OTUD7A: variants seen among roughly 807,000 people sequenced by gnomAD.
The protein encoded by OTUD7A is OTU domain-containing protein 7A.
OTUD7A carries 12 observed loss-of-function variants against 65.7 expected under a neutral mutation model. The ratio of observed to expected loss-of-function variants is 0.18; its 90% confidence interval spans 0.12 to 0.30. OTUD7A has a LOEUF of 0.30. Ranked by LOEUF, OTUD7A falls within the 10% of genes least tolerant of loss-of-function variation. The pLI is 1.00. For missense variants in OTUD7A, 1,148 were observed against 1,304.8 expected (o/e 0.88, Z 1.85); for synonymous variants, 641 against 586.3 (o/e 1.09, Z -1.35).
chr15:31,569,344 A>C (rs1341806440), intron 4 of OTUD7A, among the ~76,000 whole-genome samples: 1 of 152,256 alleles, frequency 6.6e-6, no homozygotes, highest in East Asian at 1.9e-4. Context: ...TCTAAAAATT[A>C]ACACATTATA....
chr15:31,802,139 G>A (rs56207686), intron 1 of OTUD7A, among the ~76,000 whole-genome samples: 73,805 of 134,734 alleles, frequency 0.55, 18,937 homozygotes, highest in East Asian at 0.72. Flanking sequence ...GTGTGTGTGT[G>A]TGTATATATA....
Position 31,790,985 on chromosome 15 carries a change from GT to G in OTUD7A, c.-100+79521del, listed in dbSNP as rs375233618. The stretch of plus-strand genomic sequence containing the variant: ...GTGGACTGGGAGGTGCAAGTCTTGA[GT>G]TTTAGTCCTGACCTACAACTAATGG... On this transcript the variant is annotated intron_variant, in intron 1 of 12. Transcript: ENST00000307050. Among the ~76,000 whole-genome samples the G allele has an allele frequency of 3.3e-4, 51 of 152,240 alleles. 1 individual carries two copies. The highest frequency in any genetic ancestry group is 1.2e-3 in the African/African-American group (49 of 41,544).
At chr15:31,659,778 G>C (rs920116391) in intron 1 of OTUD7A, among the ~76,000 whole-genome samples, 1 of 152,240 alleles carries the variant, frequency 6.6e-6, no homozygotes, top group East Asian at 1.9e-4. Flanking sequence ...AAGTGAGTGG[G>C]GAGTGGGAGC....
At chr15:31,808,136 C>CACACACACACACAAAAAAAAA (rs772574742) in intron 1 of OTUD7A, among the ~76,000 whole-genome samples, 1 of 119,418 alleles carries the variant, frequency 8.4e-6, no homozygotes, top group Non-Finnish European at 1.9e-5. Context: ...CACACACACA[C>CACACACACACACAAAAAAAAA]AAACAAATCC....
Position 31,680,709 on chromosome 15 carries a change from C to T in OTUD7A, c.-99-23632G>A, listed in dbSNP as rs373722750. Among the ~76,000 whole-genome samples the T allele has an allele frequency of 1.7e-3, 256 of 152,288 alleles. 2 individuals carry two copies. The highest frequency in any genetic ancestry group is 5.9e-3 in the African/African-American group (243 of 41,538). ...CCTACTGAAACTATTAAATAAGATACAAGAAATGACAGGGGACTGGGCTCC... is the reference window on the plus strand; with the variant it reads ...CCTACTGAAACTATTAAATAAGATATAAGAAATGACAGGGGACTGGGCTCC... On this transcript the variant is annotated intron_variant, in intron 1 of 12. Transcript: ENST00000307050.
At chr15:31,846,323 T>C (rs1361089218) in intron 1 of OTUD7A, among the ~76,000 whole-genome samples, 1 of 152,182 alleles carries the variant, frequency 6.6e-6, no homozygotes, top group Non-Finnish European at 1.5e-5. Flanking sequence ...TTTTTCTTTT[T>C]TGGGTAGAGG....
At chr15:31,585,503 G>A (rs758640194) in intron 3 of OTUD7A, among the ~76,000 whole-genome samples, 1 of 152,208 alleles carries the variant, frequency 6.6e-6, no homozygotes, top group African/African-American at 2.4e-5. Context: ...GAGCTGCTTC[G>A]GTGCTCTGGG....
intron 3 of OTUD7A, among the ~76,000 whole-genome samples, chr15:31,632,952 C>T (rs1228417252): frequency 6.6e-6 from 1 of 152,148 alleles, no homozygotes; most frequent in Non-Finnish European, 1.5e-5. Context: ...CCTGGTGTGC[C>T]GTTTTTTAAG....
At chr15:31,501,588 G>T (rs1025334315) in intron 10 of OTUD7A, 102 bp downstream of exon 10, 3 of 1,472,692 alleles carry the variant, frequency 2.0e-6, no homozygotes, top group South Asian at 1.2e-5. Context: ...TGCTTCTAAG[G>T]GGGGGTCTCC....
At chr15:31,604,674 T>C (rs1890186484) in intron 3 of OTUD7A, among the ~76,000 whole-genome samples, 1 of 152,224 alleles carries the variant, frequency 6.6e-6, no homozygotes, top group Admixed American at 6.5e-5. Flanking sequence ...GCAGTGCCTT[T>C]ACATAAAGTG....
At chr15:31,779,341 A>T (rs1471780923) in intron 1 of OTUD7A, among the ~76,000 whole-genome samples, 2 of 152,256 alleles carry the variant, frequency 1.3e-5, no homozygotes, top group Non-Finnish European at 2.9e-5. Flanking sequence ...CTTCACTGAT[A>T]TAAACTTTCA....
chr15:31,561,718 A>G (rs72726925), intron 4 of OTUD7A, among the ~76,000 whole-genome samples: 19,155 of 152,012 alleles, frequency 0.13, 1,546 homozygotes, highest in East Asian at 0.23. Context: ...ATATGCTCCT[A>G]ATTCTAACAT....
intron 1 of OTUD7A, among the ~76,000 whole-genome samples, chr15:31,735,753 A>G (rs547399503): frequency 1.3e-5 from 2 of 152,348 alleles, no homozygotes; most frequent in Admixed American, 6.5e-5. Context: ...GTAAAGGCAC[A>G]TGCACCTATA....
At chr15:31,748,208 T>C (rs1180925343) in intron 1 of OTUD7A, among the ~76,000 whole-genome samples, 2 of 152,096 alleles carry the variant, frequency 1.3e-5, no homozygotes, top group African/African-American at 4.8e-5. Flanking sequence ...AATTGCACTA[T>C]AGTTATGAAA....
At chr15:31,792,812 A>G (rs535756918) in intron 1 of OTUD7A, among the ~76,000 whole-genome samples, 23 of 152,256 alleles carry the variant, frequency 1.5e-4, no homozygotes, top group Admixed American at 1.2e-3. Context: ...CCCCAGTGGG[A>G]CACAAGGGCT....
intron 1 of OTUD7A, among the ~76,000 whole-genome samples, chr15:31,801,952 C>T (rs756801031): frequency 2.6e-5 from 4 of 152,206 alleles, no homozygotes; most frequent in Non-Finnish European, 5.9e-5. Context: ...TCAAGTGACA[C>T]TACTTTAGTA....
At chr15:31,594,113 C>G (rs1889835420) in intron 3 of OTUD7A, among the ~76,000 whole-genome samples, 1 of 152,176 alleles carries the variant, frequency 6.6e-6, no homozygotes, top group Admixed American at 6.5e-5. Context: ...ATATCAAAGA[C>G]AGTGAAGCCA....
intron 9 of OTUD7A, among the ~76,000 whole-genome samples, chr15:31,502,475 G>T (rs948227959): frequency 6.6e-6 from 1 of 152,188 alleles, no homozygotes; most frequent in Admixed American, 6.5e-5. Context: ...TTTACTTTTG[G>T]CCCTAGAGTG....
intron 3 of OTUD7A, among the ~76,000 whole-genome samples, chr15:31,605,315 A>G (rs1439550680): frequency 6.6e-6 from 1 of 152,140 alleles, no homozygotes; most frequent in Non-Finnish European, 1.5e-5. Flanking sequence ...ACAGACATCA[A>G]GGACCCTGCA....
Sources: allele counts gnomAD v4.1 joint callset (sites outside exome capture counted in the v4.1 genomes callset), GRCh38; gene constraint gnomAD v4.1.1; transcripts MANE v1.5; gene names NCBI Gene and HGNC (gene_info 2026-07-23, HGNC 2026-07-21).